Variants in LARGE1 observed in about 807,000 individuals in gnomAD.
LARGE1 encodes xylosyl- and glucuronyltransferase LARGE1.
Under a neutral mutation model 87.6 loss-of-function variants are expected in LARGE1, and 43 were observed. The ratio of observed to expected loss-of-function variants is 0.49; its 90% CI spans 0.38 to 0.63. The LOEUF is 0.63. Among genes scored for constraint, LARGE1 ranks in the 30% least tolerant of loss-of-function variants. The pLI, the probability that LARGE1 is intolerant of heterozygous loss-of-function variation, is 0.00. For missense variants in LARGE1, 802 were observed against 1,000.2 expected (o/e 0.80, Z 2.67); for synonymous variants, 434 against 394.6 (o/e 1.10, Z -1.18).
chr22:33,900,386 C>T (rs62225070), intron 1 of LARGE1, among the ~76,000 whole-genome samples: 9,722 of 152,246 alleles, frequency 0.064, 420 homozygotes, highest in African/African-American at 0.11. Flanking sequence ...TTCTCACAGA[C>T]CACATCACGT....
chr22:33,732,065 C>CA (rs1569413116), intron 2 of LARGE1, among the ~76,000 whole-genome samples: 1 of 151,994 alleles, frequency 6.6e-6, no homozygotes, highest in African/African-American at 2.4e-5. Flanking sequence ...ATTCATGAAA[C>CA]AAAAAAGAAA....
At chr22:33,430,623 A>G (rs977055843) in intron 7 of LARGE1, among the ~76,000 whole-genome samples, 1 of 152,206 alleles carries the variant, frequency 6.6e-6, no homozygotes, top group Non-Finnish European at 1.5e-5. Context: ...CATATCTAAT[A>G]CTCAGGCAAA....
chr22:33,382,705 T>C (rs2065198453), intron 8 of LARGE1, among the ~76,000 whole-genome samples: 1 of 151,984 alleles, frequency 6.6e-6, no homozygotes, highest in Non-Finnish European at 1.5e-5. Flanking sequence ...GGGAGGTGAA[T>C]TATGGGCCTT....
chr22:33,905,062 CTTTTT>C (rs71187290), intron 1 of LARGE1, among the ~76,000 whole-genome samples: 2 of 118,878 alleles, frequency 1.7e-5, no homozygotes, highest in Non-Finnish European at 3.5e-5. Flanking sequence ...TTTTTAATTC[CTTTTT>C]TTTTTTTTTT....
rs1255904683 is a variant in LARGE1 at position 33,523,419 on chromosome 22, G to A, written c.787+41429C>T. ...ACCTGCATTTCCTCCTCTGTGAACT[G>A]TGTGTTGATACTCTGTACCCATGGT... On this transcript the variant is annotated intron_variant, in intron 6 of 14. Transcript: ENST00000397394. 2.0e-5 allele frequency among the ~76,000 whole-genome samples: 3 copies of A among 152,162 alleles called. No homozygotes were observed. The East Asian group carries it at 5.8e-4, about 29-fold the overall frequency.
At chr22:33,120,374 CTT>C in the LARGE1 span, among the ~76,000 whole-genome samples, 1 of 86,596 alleles carries the variant, frequency 1.2e-5, no homozygotes, top group African/African-American at 7.1e-5. Context: ...TTCTTTCTTT[CTT>C]TCTTTCTTTC....
intron 11 of LARGE1, among the ~76,000 whole-genome samples, chr22:33,177,468 A>G (rs1314048440): frequency 6.6e-6 from 1 of 152,178 alleles, no homozygotes; most frequent in Non-Finnish European, 1.5e-5. Context: ...CTCTAAATCT[A>G]GATGCAGACT....
chr22:33,585,251 G>A (rs1169340190), intron 5 of LARGE1, among the ~76,000 whole-genome samples: 1 of 152,142 alleles, frequency 6.6e-6, no homozygotes, highest in Non-Finnish European at 1.5e-5. Context: ...ACCTACAAAG[G>A]AGACGGGGGA....
At chr22:33,505,853 C>T (rs1409216388) in intron 6 of LARGE1, among the ~76,000 whole-genome samples, 1 of 152,138 alleles carries the variant, frequency 6.6e-6, no homozygotes, top group Non-Finnish European at 1.5e-5. Context: ...CTTACTAATG[C>T]TTAATAAATG....
intron 1 of LARGE1, among the ~76,000 whole-genome samples, chr22:33,801,055 A>T (rs978251450): frequency 5.9e-5 from 9 of 152,094 alleles, no homozygotes; most frequent in African/African-American, 2.2e-4. Flanking sequence ...TATTCTCATG[A>T]TAGTGAGTAA....
exon 12 of LARGE1, chr22:33,166,727 C>A (rs1340883321): frequency 2.1e-6 from 1 of 471,108 alleles, no homozygotes; most frequent in South Asian, 1.5e-5. Flanking sequence ...AGAACAGTAC[C>A]CAAGTCCTCG....
intron 7 of LARGE1, among the ~76,000 whole-genome samples, chr22:33,395,117 T>C (rs1170005307): frequency 1.3e-5 from 2 of 149,560 alleles, no homozygotes; most frequent in African/African-American, 5.0e-5. Context: ...TAGTCCCAGC[T>C]ATTTGGGAGG....
At chr22:33,156,072 C>T in the LARGE1 span, among the ~76,000 whole-genome samples, 4 of 152,178 alleles carry the variant, frequency 2.6e-5, no homozygotes, top group African/African-American at 7.2e-5. Context: ...TGTATGGAAA[C>T]GTCTGGATGC....
chr22:33,282,014 C>A lies in LARGE1; in HGVS notation c.1877+1188G>T, dbSNP rs889339797. Among the ~76,000 whole-genome samples the A allele has an allele frequency of 3.9e-5, 6 of 152,186 alleles. 1 individual carries two copies. The highest frequency in any genetic ancestry group is 1.4e-4 in the African/African-American group (6 of 41,426). ...CTTTTTAGCTTCCAGGAAGTGTTGG[C>A]CATTCTGACATCATTCACAAGGGTG... On this transcript the variant is annotated intron_variant, in intron 13 of 14. Coordinates refer to ENST00000397394, the MANE Select transcript of LARGE1 (RefSeq NM_133642.5).
the LARGE1 span, among the ~76,000 whole-genome samples, chr22:33,085,533 T>C: frequency 6.2e-4 from 95 of 152,320 alleles, no homozygotes; most frequent in African/African-American, 2.2e-3. Context: ...AGTATCAACA[T>C]TGGGTTCAAA....
chr22:33,457,158 C>CT (rs748641746), intron 6 of LARGE1, among the ~76,000 whole-genome samples: 1 of 152,120 alleles, frequency 6.6e-6, no homozygotes, highest in Non-Finnish European at 1.5e-5. Context: ...GCATCTTACT[C>CT]TGTCACCCAG....
chr22:33,117,533 C>A, the LARGE1 span, among the ~76,000 whole-genome samples: 2 of 151,438 alleles, frequency 1.3e-5, no homozygotes, highest in South Asian at 4.2e-4. Flanking sequence ...TGGGGAGGGT[C>A]AGGATACAGG....
intron 2 of LARGE1, among the ~76,000 whole-genome samples, chr22:33,700,939 A>T (rs1372880723): frequency 6.6e-6 from 1 of 152,158 alleles, no homozygotes; most frequent in Non-Finnish European, 1.5e-5. Flanking sequence ...CCGTGGTCTG[A>T]GGTGAGCAGC....
intron 11 of LARGE1, among the ~76,000 whole-genome samples, chr22:33,181,678 G>A (rs1001283422): frequency 1.3e-5 from 2 of 151,962 alleles, no homozygotes; most frequent in African/African-American, 4.8e-5. Context: ...ACAAGCGCCC[G>A]CCACCACACC....
Sources: gnomAD v4.1 joint callset for allele counts (sites outside exome capture counted in the v4.1 genomes callset) on GRCh38, gnomAD v4.1.1 for gene constraint, MANE v1.5 for transcripts, NCBI Gene and HGNC (gene_info 2026-07-23, HGNC 2026-07-21) for gene names.